FLT1: variants seen among roughly 807,000 people sequenced by gnomAD.
FLT1 encodes the protein fms related receptor tyrosine kinase 1.
In FLT1, 49 loss-of-function variants were observed where a neutral mutation model predicts 156.3. The ratio of observed to expected loss-of-function variants is 0.31; its 90% confidence interval spans 0.25 to 0.40. The LOEUF is 0.40. FLT1 is among the 10% of genes least tolerant of loss of function. The pLI is 1.00. For missense variants in FLT1, 1,322 were observed against 1,637.2 expected (o/e 0.81, Z 3.32); for synonymous variants, 594 against 583.8 (o/e 1.02, Z -0.25).
chr13:28,489,441 C>A (rs1881354324), intron 1 of FLT1, among the ~76,000 whole-genome samples: 1 of 152,076 alleles, frequency 6.6e-6, no homozygotes, highest in Non-Finnish European at 1.5e-5. Context: ...AGAAAGGACA[C>A]AGACACATAA....
chr13:28,399,034 C>T (rs1285791497), intron 11 of FLT1: 3 of 1,540,220 alleles, frequency 1.9e-6, no homozygotes, highest in Non-Finnish European at 2.6e-6. Context: ...TTGTACCCAC[C>T]CGTTTAGAGT....
intron 14 of FLT1, among the ~76,000 whole-genome samples, chr13:28,379,952 T>C (rs1356665571): frequency 6.6e-6 from 1 of 152,172 alleles, no homozygotes; most frequent in Non-Finnish European, 1.5e-5. Context: ...TAATATTTTC[T>C]TTGGAATGGG....
chr13:28,372,046 GTGTATATATATA>G lies in FLT1; in HGVS notation c.2116+12827_2116+12838del, dbSNP rs1188129201. ...TGTGTGTGTGTGTGTGTGTGTGTGT[GTGTATATATATA>G]TATATATATATATATATATTTTTTT... On this transcript the variant is annotated intron_variant, in intron 14 of 29. Coordinates refer to ENST00000282397, the MANE Select transcript of FLT1 (RefSeq NM_002019.4). Among the ~76,000 whole-genome samples the G allele has an allele frequency of 3.5e-3, 198 of 56,782 alleles. 2 individuals carry two copies. The highest frequency in any genetic ancestry group is 0.011 in the Middle Eastern group (1 of 94). The allele number at this position is 56,782 out of a possible 152,430, so 37.3% of individuals were successfully genotyped here. A position where few individuals can be genotyped will look rare whatever the true frequency, so the allele number is the denominator to read the frequency against.
At chr13:28,488,662 G>A (rs1474341461) in intron 1 of FLT1, among the ~76,000 whole-genome samples, 4 of 152,128 alleles carry the variant, frequency 2.6e-5, no homozygotes, top group African/African-American at 7.2e-5. Flanking sequence ...GCACCAGCTC[G>A]AGCCCAAGCC....
At chr13:28,390,162 A>T in intron 12 of FLT1, 58 bp from the exon 13 acceptor site, 20 of 1,585,518 alleles carry the variant, frequency 1.3e-5, no homozygotes, top group Non-Finnish European at 1.7e-5. Flanking sequence ...TTTTAATGAG[A>T]TATTCAAAGA....
intron 15 of FLT1, among the ~76,000 whole-genome samples, chr13:28,346,568 A>AG (rs1565980072): frequency 6.6e-6 from 1 of 150,558 alleles, no homozygotes. Context: ...AAAAAAAAAA[A>AG]ATGTGGTAGC....
At chr13:28,424,064 G>A (rs1877174180) in intron 10 of FLT1, among the ~76,000 whole-genome samples, 1 of 151,604 alleles carries the variant, frequency 6.6e-6, no homozygotes, top group Non-Finnish European at 1.5e-5. Context: ...AATTGTCCCT[G>A]AGCAGCTGGA....
chr13:28,425,272 T>A (rs1877272997), intron 10 of FLT1, among the ~76,000 whole-genome samples: 2 of 152,162 alleles, frequency 1.3e-5, no homozygotes, highest in African/African-American at 2.4e-5. Flanking sequence ...CCATTTGTGA[T>A]CAGTCTTGTA....
intron 14 of FLT1, among the ~76,000 whole-genome samples, chr13:28,374,090 T>G (rs1276061785): frequency 6.6e-6 from 1 of 152,186 alleles, no homozygotes; most frequent in Non-Finnish European, 1.5e-5. Flanking sequence ...GAAAAAGTTC[T>G]GTAACTAGAT....
intron 1 of FLT1, among the ~76,000 whole-genome samples, chr13:28,486,199 CCAGG>C (rs1881151070): frequency 6.6e-6 from 1 of 152,182 alleles, no homozygotes; most frequent in African/African-American, 2.4e-5. Context: ...CTGGATGCCC[CCAGG>C]AAGGGGGAAG....
At chr13:28,459,400 T>C (rs1031129479) in intron 3 of FLT1, among the ~76,000 whole-genome samples, 3 of 152,200 alleles carry the variant, frequency 2.0e-5, no homozygotes, top group African/African-American at 7.2e-5. Flanking sequence ...CAGTTCCTAC[T>C]GGAAGATTAG....
At chr13:28,478,453 C>T (rs1880669628) in intron 1 of FLT1, among the ~76,000 whole-genome samples, 1 of 152,188 alleles carries the variant, frequency 6.6e-6, no homozygotes, top group Non-Finnish European at 1.5e-5. Flanking sequence ...ATGTGGATCC[C>T]TGTGGGTTCC....
chr13:28,349,377 T>C (rs1838430324), intron 15 of FLT1, among the ~76,000 whole-genome samples: 1 of 151,384 alleles, frequency 6.6e-6, no homozygotes, highest in South Asian at 2.1e-4. Context: ...TCATATGAGT[T>C]TGGTTTCTTT....
At chr13:28,430,821 T>TA (rs1877633694) in intron 7 of FLT1, among the ~76,000 whole-genome samples, 1 of 152,210 alleles carries the variant, frequency 6.6e-6, no homozygotes, top group Non-Finnish European at 1.5e-5. Flanking sequence ...ATAATAAAGA[T>TA]AAAACTCATC....
chr13:28,483,626 T>G (rs1880981816), intron 1 of FLT1, among the ~76,000 whole-genome samples: 1 of 152,192 alleles, frequency 6.6e-6, no homozygotes, highest in African/African-American at 2.4e-5. Flanking sequence ...TTTCTCCTTC[T>G]TGACTTCTTG....
intron 18 of FLT1, among the ~76,000 whole-genome samples, chr13:28,333,667 G>A (rs1486417972): frequency 6.6e-6 from 1 of 152,194 alleles, no homozygotes; most frequent in Non-Finnish European, 1.5e-5. Context: ...AGAATGTGCT[G>A]CTAAGTTTCC....
At chr13:28,348,079 C>A (rs893609192) in intron 15 of FLT1, among the ~76,000 whole-genome samples, 1 of 152,178 alleles carries the variant, frequency 6.6e-6, no homozygotes, top group Non-Finnish European at 1.5e-5. Context: ...CTGATATTTT[C>A]TCTCCATCCA....
intron 11 of FLT1, 93 bp from the exon 12 acceptor site, chr13:28,397,161 C>A: frequency 1.3e-6 from 1 of 762,586 alleles, no homozygotes; most frequent in South Asian, 1.4e-5. Context: ...TTCAGCTACT[C>A]CATTCATTCT....
rs761450211 is a variant in FLT1, at chr13:28,433,879, A to G, written c.753T>C (p.Asn251=). ...KLLRGHTLVL[N]CTATTPLNTR... ...TGTTCAAGGGAGTGGTAGCAGTACA[A>G]TTGAGGACAAGAGTATGGCCTCTAA... Residue 251 remains asparagine, a synonymous_variant, in exon 6 of 30, where the codon AAT becomes AAC. Coordinates refer to ENST00000282397, the MANE Select transcript of FLT1 (RefSeq NM_002019.4). 8.1e-6 allele frequency: 13 copies of G among 1,613,820 alleles called. No homozygotes were observed. The South Asian group carries it at 1.1e-4, about 14-fold the overall frequency.
Sources: gnomAD v4.1 joint callset for allele counts (sites outside exome capture counted in the v4.1 genomes callset) on GRCh38, gnomAD v4.1.1 for gene constraint, MANE v1.5 for transcripts, NCBI Gene and HGNC (gene_info 2026-07-23, HGNC 2026-07-21) for gene names.